OCLN: variants seen among roughly 807,000 people sequenced by gnomAD.
The protein encoded by OCLN is occludin.
In OCLN, 21 loss-of-function variants were observed where a neutral mutation model predicts 47.9. That is an observed-to-expected ratio of 0.44 (90% CI 0.31 to 0.63). The LOEUF is 0.63. Ranked by LOEUF, OCLN falls within the 30% of genes least tolerant of loss-of-function variation. The pLI is 0.08. For missense variants in OCLN, 360 were observed against 571.0 expected (o/e 0.63, Z 3.77); for synonymous variants, 117 against 198.4 (o/e 0.59, Z 3.45).
At chr5:69,509,859 C>A (rs2111977007) in intron 3 of OCLN, 40 bp downstream of exon 3, 1 of 1,425,074 alleles carries the variant, frequency 7.0e-7, no homozygotes, top group Non-Finnish European at 9.9e-7. Flanking sequence ...ATCTCCTTAG[C>A]AGAGGCCTTC....
At chr5:69,524,950 G>C (rs1166063676) in intron 4 of OCLN, among the ~76,000 whole-genome samples, 1 of 152,114 alleles carries the variant, frequency 6.6e-6, no homozygotes, top group African/African-American at 2.4e-5. Flanking sequence ...GCCTCCCAAA[G>C]TTCTGGGATT....
chr5:69,536,409 G>A (rs571197706), intron 5 of OCLN, among the ~76,000 whole-genome samples: 25 of 137,216 alleles, frequency 1.8e-4, no homozygotes, highest in Non-Finnish European at 3.9e-4. Flanking sequence ...AGTGGCTCAC[G>A]CCTGTAATCC....
At chr5:69,529,551 C>T (rs1325811509) in intron 4 of OCLN, among the ~76,000 whole-genome samples, 1 of 152,088 alleles carries the variant, frequency 6.6e-6, no homozygotes, top group African/African-American at 2.4e-5. Flanking sequence ...TAAGCATGTT[C>T]AGTGTGAGTG....
chr5:69,507,773 T>A (rs1343054167), intron 2 of OCLN, among the ~76,000 whole-genome samples: 1 of 151,788 alleles, frequency 6.6e-6, no homozygotes, highest in Non-Finnish European at 1.5e-5. Flanking sequence ...GCCCAACTAG[T>A]TTTTGTATTT....
rs765022975 is a variant in OCLN, at chr5:69,509,266, C to A, written c.176C>A (p.Thr59Asn). Residue 59 changes from threonine (T) to asparagine (N), a missense_variant, in exon 3 of 9, where the codon ACC becomes AAC. Thr to Asn is a moderately conservative substitution (Grantham distance 65). Around this residue, in one of 3 missense-constraint regions of OCLN, gnomAD observed 314 missense variants for 368.1 expected, o/e 0.85. Transcript: ENST00000396442. The stretch of plus-strand genomic sequence containing the variant: ...GAAATTCTTCACTTCTACAAATGGA[C>A]CTCTCCTCCAGGAGTGATTCGGATC... Reference protein sequence around the residue: ...EDEILHFYKWTSPPGVIRILS... With the variant: ...EDEILHFYKWNSPPGVIRILS... 2 of 1,614,194 alleles carry A rather than the reference C, an allele frequency of 1.2e-6. No individual in the cohort carries two copies. Among genetic ancestry groups the A allele is most frequent in the Non-Finnish European group, 1.7e-6 (2 of 1,180,020 alleles).
chr5:69,533,949 C>T (rs530077993), intron 4 of OCLN, among the ~76,000 whole-genome samples: 2 of 152,284 alleles, frequency 1.3e-5, no homozygotes, highest in East Asian at 1.9e-4. Context: ...CGTGAGCCAC[C>T]GCGCCCGGCC....
rs150730577 is a variant in OCLN, at chr5:69,509,474, C to T, written c.384C>T (p.Tyr128=). 44 of 1,614,000 alleles carry T rather than the reference C, an allele frequency of 2.7e-5. No homozygotes were observed. In the African/African-American group the frequency reaches 3.5e-4, roughly 13 times the overall value. Residue 128 remains tyrosine (Y), a synonymous_variant, in exon 3 of 9, where the codon TAC becomes TAT. Transcript: ENST00000396442. The stretch of plus-strand genomic sequence containing the variant: ...ATGGCTATGGTTATGGCTATGGCTA[C>T]GGAGGCTATACAGACCCAAGAGCAG... ...YGYGYGYGYG[Y]GGYTDPRAAK...
chr5:69,497,587 C>T (rs1025645866), intron 1 of OCLN, among the ~76,000 whole-genome samples: 3 of 151,758 alleles, frequency 2.0e-5, no homozygotes, highest in Admixed American at 6.6e-5. Flanking sequence ...GAGGTTTCAC[C>T]GTGTTGGCCA....
At position 69,548,917 on chromosome 5, in the gene OCLN, C is replaced by T. The variant is rs534977053; in HGVS notation, c.1425+816C>T. 2.9e-3 allele frequency among the ~76,000 whole-genome samples: 438 copies of T among 150,680 alleles called. 12 individuals carry two copies. Among genetic ancestry groups the T allele is most frequent in the Non-Finnish European group, 5.0e-3 (336 of 67,590 alleles). The stretch of plus-strand genomic sequence containing the variant: ...GGGAGGTTGCAGTGAGCCAAGATTG[C>T]GCCATTGCACTCCAGCCTGGGCGAC... On this transcript the variant is annotated intron_variant, in intron 7 of 8. Coordinates refer to ENST00000396442, the MANE Select transcript of OCLN (RefSeq NM_001205254.2).
intron 2 of OCLN, among the ~76,000 whole-genome samples, chr5:69,507,819 C>T (rs1333402250): frequency 5.9e-5 from 9 of 152,054 alleles, no homozygotes; most frequent in East Asian, 5.9e-4. Context: ...ATAGCCAGGC[C>T]GGTCTCGAAC....
intron 4 of OCLN, among the ~76,000 whole-genome samples, chr5:69,529,867 G>A (rs1001448068): frequency 6.6e-6 from 1 of 152,138 alleles, no homozygotes; most frequent in Non-Finnish European, 1.5e-5. Flanking sequence ...GCCTCCCAAA[G>A]TGCTGGGATT....
At chr5:69,549,916 TA>T (rs71277377) in intron 7 of OCLN, among the ~76,000 whole-genome samples, 8 of 149,208 alleles carry the variant, frequency 5.4e-5, no homozygotes, top group East Asian at 1.9e-4. Flanking sequence ...GTTTTATCTT[TA>T]AAAAAAAAAC....
chr5:69,529,056 G>A (rs1769359586), intron 4 of OCLN, among the ~76,000 whole-genome samples: 1 of 152,242 alleles, frequency 6.6e-6, no homozygotes, highest in African/African-American at 2.4e-5. Context: ...TTTTGGAGGA[G>A]AGAAGATTTT....
chr5:69,500,891 C>T (rs1768437610), intron 1 of OCLN, among the ~76,000 whole-genome samples: 1 of 152,014 alleles, frequency 6.6e-6, no homozygotes, highest in Non-Finnish European at 1.5e-5. Context: ...TAGGATCCCA[C>T]ATTTAATAGT....
chr5:69,496,553 T>C (rs1399913436), intron 1 of OCLN, among the ~76,000 whole-genome samples: 2 of 150,580 alleles, frequency 1.3e-5, no homozygotes, highest in African/African-American at 4.9e-5. Flanking sequence ...ATTTTTTCTT[T>C]TTTTATACTT....
At chr5:69,550,458 CT>C (rs1484662333) in intron 7 of OCLN, among the ~76,000 whole-genome samples, 1 of 151,620 alleles carries the variant, frequency 6.6e-6, no homozygotes, top group Non-Finnish European at 1.5e-5. Flanking sequence ...TCCCAAAGTG[CT>C]GGAATTACGT....
Position 69,529,316 on chromosome 5 carries a change from ATGT to A in OCLN, c.892-5373_892-5371del, listed in dbSNP as rs1453722656. On this transcript the variant is annotated intron_variant, in intron 4 of 8. Transcript: ENST00000396442. ...TCATTAACTCTCCAAGGAGTGTTAG[ATGT>A]TGTTTGTCACAAAGAATTTTTTCAC... Among the ~76,000 whole-genome samples, 10 of 152,216 alleles carry A rather than the reference ATGT, an allele frequency of 6.6e-5. No homozygotes were observed. The East Asian group carries it at 1.7e-3, about 26-fold the overall frequency.
intron 2 of OCLN, among the ~76,000 whole-genome samples, chr5:69,506,770 A>AC (rs1768618842): frequency 6.6e-6 from 1 of 152,192 alleles, no homozygotes; most frequent in Non-Finnish European, 1.5e-5. Flanking sequence ...TAACCTCCTT[A>AC]CTAGTGCCTA....
chr5:69,526,272 C>A (rs1045176131), intron 4 of OCLN, among the ~76,000 whole-genome samples: 1 of 152,150 alleles, frequency 6.6e-6, no homozygotes, highest in African/African-American at 2.4e-5. Flanking sequence ...ATTCAAGCTG[C>A]AACCATTAAA....
Sources: gnomAD v4.1 joint callset for allele counts (sites outside exome capture counted in the v4.1 genomes callset) on GRCh38, gnomAD v4.1.1 for gene constraint, gnomAD v4.1.1 regional missense constraint, MANE v1.5 for transcripts, NCBI Gene and HGNC (gene_info 2026-07-23, HGNC 2026-07-21) for gene names.